The following SMARCA2 variants were observed in gnomAD, a reference collection of about 807,000 sequenced individuals.
SMARCA2 encodes SWI/SNF related BAF chromatin remodeling complex subunit ATPase 2.
In SMARCA2, 61 loss-of-function variants were observed where a neutral mutation model predicts 199.8. That is an observed-to-expected ratio of 0.31 (90% CI 0.25 to 0.38). The LOEUF is 0.38. Ranked by LOEUF, SMARCA2 falls within the 10% of genes least tolerant of loss-of-function variation. SMARCA2 has a pLI of 1.00. For synonymous variants in SMARCA2, 935 were observed against 732.0 expected, an observed-to-expected ratio of 1.28 and a Z score of -4.48; for missense variants, 1,344 against 2,012.2, an observed-to-expected ratio of 0.67 and a Z score of 6.35.
intron 23 of SMARCA2, among the ~76,000 whole-genome samples, chr9:2,109,845 GTTTA>G (rs1392472883): frequency 6.6e-6 from 1 of 152,168 alleles, no homozygotes; most frequent in Non-Finnish European, 1.5e-5. Flanking sequence ...TATTGGCAAA[GTTTA>G]TTTAAGCCAT....
At chr9:2,171,491 T>A (rs1826245870) in intron 29 of SMARCA2, among the ~76,000 whole-genome samples, 1 of 152,234 alleles carries the variant, frequency 6.6e-6, no homozygotes, top group African/African-American at 2.4e-5. Context: ...TGTGTGGAGA[T>A]GAAACTGTCG....
intron 27 of SMARCA2, chr9:2,160,233 C>G (rs762131482): frequency 3.1e-6 from 1 of 317,602 alleles, no homozygotes; most frequent in Non-Finnish European, 5.6e-6. Context: ...TTTTCCTTTT[C>G]CTTTTTCCTC....
At chr9:2,033,121 T>C in intron 3 of SMARCA2, 40 bp downstream of exon 3, 4 of 1,604,698 alleles carry the variant, frequency 2.5e-6, no homozygotes, top group Non-Finnish European at 3.4e-6. Context: ...TTCCCCAGCA[T>C]AGTCTTTCAG....
chr9:2,147,921 A>C (rs112575275), intron 27 of SMARCA2, among the ~76,000 whole-genome samples: 2 of 151,082 alleles, frequency 1.3e-5, no homozygotes, highest in African/African-American at 4.8e-5. Flanking sequence ...CCTCCCTCAA[A>C]CTCCTGGCCT....
intron 2 of SMARCA2, among the ~76,000 whole-genome samples, chr9:2,031,709 T>G (rs1819078359): frequency 6.6e-6 from 1 of 152,250 alleles, no homozygotes. Flanking sequence ...TTGCATTTTT[T>G]GCCATCCTGC....
In SMARCA2 at chr9:2,186,193, A is replaced by T; in HGVS notation, c.4559A>T (p.Glu1520Val). Residue 1520 changes from glutamate to valine, a missense_variant, in exon 32 of 34, where the codon GAG (glutamate) becomes GTG (valine). This residue lies in a region of SMARCA2 where 155 missense variants were observed against 121.1 expected (regional missense o/e 1.28). Transcript: ENST00000349721. ...EESEDESNEE[E>V]EEEDEEESES... ...AGTGAGGATGAAAGCAATGAAGAGG[A>T]GGAAGAGGAAGATGAAGAAGAGTCA... The T allele has an allele frequency of 6.2e-7, 1 of 1,614,020 alleles. No individual in the cohort carries two copies. Among genetic ancestry groups the T allele is most frequent in the Non-Finnish European group, 8.5e-7 (1 of 1,179,890 alleles).
At chr9:2,116,429 C>T (rs970422310) in intron 25 of SMARCA2, among the ~76,000 whole-genome samples, 6 of 151,970 alleles carry the variant, frequency 3.9e-5, no homozygotes, top group African/African-American at 1.5e-4. Flanking sequence ...TTTCTCTCAT[C>T]CTCCAGAGCC....
chr9:2,161,792 A>G lies in SMARCA2; in HGVS notation c.4088A>G (p.Lys1363Arg). The G allele has an allele frequency of 6.2e-7, 1 of 1,614,024 alleles. No homozygotes were observed. Among genetic ancestry groups the G allele is most frequent in the East Asian group, 2.2e-5 (1 of 44,866 alleles). The part of the protein sequence containing the change: ...DKDPAKEDVE[K>R]AKKRRGRPPA... ...GATCCTGCAAAAGAAGATGTGGAAA[A>G]AGCTAAGAAGAGAAGAGGCCGCCCT... The change falls in exon 28 of 34, where the codon AAA (lysine) becomes AGA (arginine). Residue 1363 changes from lysine (K) to arginine (R), a missense_variant. Physicochemically the swap from Lys to Arg is conservative, Grantham distance 26. This residue lies in a region of SMARCA2 where 151 missense variants were observed against 154.0 expected (regional missense o/e 0.98). Transcript: ENST00000349721. The surrounding 1 kb of genome is among the most constrained non-coding windows in gnomAD (Gnocchi z 4.7).
At chr9:2,185,131 C>G (rs1453760303) in intron 31 of SMARCA2, among the ~76,000 whole-genome samples, 1 of 152,128 alleles carries the variant, frequency 6.6e-6, no homozygotes, top group Non-Finnish European at 1.5e-5. Flanking sequence ...ATCTTCAGAA[C>G]TTTTTAATCT....
intron 5 of SMARCA2, among the ~76,000 whole-genome samples, chr9:2,048,663 G>C (rs1049835609): frequency 6.6e-6 from 1 of 152,106 alleles, no homozygotes; most frequent in African/African-American, 2.4e-5. Flanking sequence ...CATTAGATGT[G>C]TTTATTTTTT....
At chr9:2,131,080 T>C (rs974169966) in intron 27 of SMARCA2, among the ~76,000 whole-genome samples, 1 of 152,338 alleles carries the variant, frequency 6.6e-6, no homozygotes, top group Admixed American at 6.5e-5. Context: ...TTAAAACATT[T>C]AGTGATATCC....
chr9:2,055,881 G>A (rs1820330166), intron 6 of SMARCA2, among the ~76,000 whole-genome samples: 1 of 152,082 alleles, frequency 6.6e-6, no homozygotes, highest in Admixed American at 6.5e-5. Flanking sequence ...GTTCAAATTA[G>A]CGTTGCCATG....
chr9:2,089,715 G>A (rs147163430), intron 19 of SMARCA2, among the ~76,000 whole-genome samples: 1 of 152,270 alleles, frequency 6.6e-6, no homozygotes, highest in East Asian at 1.9e-4. Context: ...TGGACTTCCT[G>A]TGGTCTTGGC....
intron 29 of SMARCA2, among the ~76,000 whole-genome samples, chr9:2,173,591 G>A (rs922576049): frequency 6.6e-6 from 1 of 152,280 alleles, no homozygotes; most frequent in South Asian, 2.1e-4. Context: ...CAAGCTGACA[G>A]TTTATCGTGT....
chr9:2,041,504 C>T, intron 4 of SMARCA2: 1 of 398,180 alleles, frequency 2.5e-6, no homozygotes, highest in Non-Finnish European at 4.4e-6. Context: ...TATGAGGACT[C>T]TACTCTCATG....
intron 19 of SMARCA2, among the ~76,000 whole-genome samples, chr9:2,096,374 T>G (rs1392609268): frequency 6.6e-6 from 1 of 152,152 alleles, no homozygotes; most frequent in East Asian, 1.9e-4. Flanking sequence ...TTGTAAGCCA[T>G]TCTCTCTCTC....
At position 2,021,385 on chromosome 9, in the gene SMARCA2, A is replaced by G. The variant is rs78080830; in HGVS notation, c.-37+5981A>G. The stretch of plus-strand genomic sequence containing the variant: ...AAATCTCTAACCAAAAAGGAACGTC[A>G]TATGTTGGCTTACAGGTTATCCAAG... On this transcript the variant is annotated intron_variant, in intron 1 of 33. Transcript: ENST00000349721. Among the ~76,000 whole-genome samples the G allele has an allele frequency of 7.1e-3, 1,087 of 152,356 alleles. 19 individuals are homozygous for G. The highest frequency in any genetic ancestry group is 0.024 in the African/African-American group (1,013 of 41,584).
At chr9:2,046,494 A>G (rs1180657211) in intron 4 of SMARCA2, among the ~76,000 whole-genome samples, 2 of 152,216 alleles carry the variant, frequency 1.3e-5, no homozygotes, top group Non-Finnish European at 2.9e-5. Context: ...GTTTTCTAAT[A>G]TGTAGTAAGA....
intron 19 of SMARCA2, among the ~76,000 whole-genome samples, chr9:2,092,541 G>A (rs1214779264): frequency 6.6e-6 from 1 of 152,172 alleles, no homozygotes; most frequent in African/African-American, 2.4e-5. Context: ...CCTTTAGGAA[G>A]GGGAATTATA....
Sources: gnomAD v4.1 joint callset for allele counts (sites outside exome capture counted in the v4.1 genomes callset) on GRCh38, gnomAD v4.1.1 for gene constraint, gnomAD v4.1.1 regional missense constraint, Gnocchi (gnomAD v3.1) non-coding constraint, MANE v1.5 for transcripts, NCBI Gene and HGNC (gene_info 2026-07-23, HGNC 2026-07-21) for gene names.